The following GNG2 variants were observed in gnomAD, a reference collection of about 807,000 sequenced individuals.
The protein encoded by GNG2 is G protein subunit gamma 2.
Under a neutral mutation model 5.5 loss-of-function variants are expected in GNG2, and 5 were observed. The ratio of observed to expected loss-of-function variants is 0.91; its 90% CI spans 0.48 to 1.92. The LOEUF (loss-of-function observed/expected upper bound fraction) is 1.92, where lower values mean the gene tolerates loss of function less well. Among genes scored for constraint, GNG2 ranks in the 30% most tolerant of loss-of-function variants. The pLI is 0.01. For missense variants in GNG2, 55 were observed against 88.4 expected (o/e 0.62, Z 1.52); for synonymous variants, 28 against 32.0 (o/e 0.88, Z 0.42).
Position 51,828,072 on chromosome 14 carries a change from T to G in GNG2, c.64+265T>G, listed in dbSNP as rs112688664. ...TCGGGATGAGAGGCCTCGGTAGAAC[T>G]GACTAGCTTCCTCAACATGAGTTAT... On this transcript the variant is annotated intron_variant, in intron 2 of 3. Transcript: ENST00000553432. 8.7e-3 allele frequency among the ~76,000 whole-genome samples: 1,319 copies of G among 152,348 alleles called. 21 individuals carry two copies. Among genetic ancestry groups the G allele is most frequent in the African/African-American group, 0.03 (1,257 of 41,576 alleles).
At chr14:51,961,938 A>T (rs187987147) in intron 3 of GNG2, among the ~76,000 whole-genome samples, 1 of 152,336 alleles carries the variant, frequency 6.6e-6, no homozygotes, top group East Asian at 1.9e-4. Flanking sequence ...AAGTTATTGA[A>T]GGTTTTAAAT....
chr14:51,843,508 G>A (rs1165853841), intron 2 of GNG2, among the ~76,000 whole-genome samples: 5 of 151,850 alleles, frequency 3.3e-5, no homozygotes. Context: ...GGTGGGTGCA[G>A]CAAACCACAT....
intron 2 of GNG2, chr14:51,917,415 A>G (rs1293028633): frequency 1.3e-5 from 6 of 455,986 alleles, no homozygotes; most frequent in Non-Finnish European, 2.6e-5. Flanking sequence ...TCATACTGCA[A>G]TCGCCTCTGT....
intron 2 of GNG2, among the ~76,000 whole-genome samples, chr14:51,919,208 A>G (rs377139754): frequency 6.4e-4 from 98 of 152,212 alleles, no homozygotes; most frequent in African/African-American, 2.2e-3. Flanking sequence ...ATTAATTTAA[A>G]CTCTATTAAT....
intron 2 of GNG2, among the ~76,000 whole-genome samples, chr14:51,890,604 A>G (rs1484530933): frequency 6.6e-6 from 1 of 152,198 alleles, no homozygotes; most frequent in Non-Finnish European, 1.5e-5. Context: ...ATTCCATAAG[A>G]TAACTTTCCA....
intron 3 of GNG2, among the ~76,000 whole-genome samples, chr14:51,959,034 G>A (rs1213395798): frequency 2.6e-5 from 4 of 152,102 alleles, no homozygotes; most frequent in Non-Finnish European, 5.9e-5. Context: ...ATTGTGCCTT[G>A]AAACACTTTC....
intron 2 of GNG2, among the ~76,000 whole-genome samples, chr14:51,852,059 T>G (rs1881932079): frequency 1.3e-5 from 2 of 152,186 alleles, no homozygotes; most frequent in African/African-American, 4.8e-5. Flanking sequence ...CGTAAATATT[T>G]TAACGGTAAA....
intron 2 of GNG2, chr14:51,827,835 G>T (rs539385689): frequency 6.0e-6 from 4 of 664,048 alleles, no homozygotes; most frequent in Non-Finnish European, 1.1e-5. Context: ...GTGATGGAAG[G>T]ATACTGCAAA....
At position 51,867,941 on chromosome 14, in the gene GNG2, G is replaced by T. The variant is rs767167983; in HGVS notation, c.-71+7151G>T. On this transcript the variant is annotated intron_variant, in intron 1 of 3. Transcript: ENST00000556766. ...ACACTCCAAGCTCTTTGAGGACAGC[G>T]GTCACATCTGGTTTCATCTTTGTCT... 9.9e-5 allele frequency among the ~76,000 whole-genome samples: 15 copies of T among 151,926 alleles called. 1 individual carries two copies. The highest frequency in any genetic ancestry group is 1.9e-4 in the Non-Finnish European group (13 of 67,996).
intron 2 of GNG2, among the ~76,000 whole-genome samples, chr14:51,917,846 T>A (rs1886740859): frequency 6.6e-6 from 1 of 151,986 alleles, no homozygotes; most frequent in African/African-American, 2.4e-5. Flanking sequence ...GCCAACACGT[T>A]GAAATCCTGT....
intron 2 of GNG2, among the ~76,000 whole-genome samples, chr14:51,928,080 G>C (rs188271716): frequency 1.5e-5 from 2 of 130,668 alleles, no homozygotes; most frequent in African/African-American, 6.0e-5. Flanking sequence ...ATCCAGGCTC[G>C]ACTGCAGTGG....
chr14:51,840,994 C>T (rs562005717), intron 2 of GNG2, among the ~76,000 whole-genome samples: 80 of 152,096 alleles, frequency 5.3e-4, no homozygotes, highest in African/African-American at 1.7e-3. Flanking sequence ...AATTTTTTTC[C>T]GAGAGCAGAA....
chr14:51,896,885 C>A lies in GNG2; in HGVS notation c.-30+19228C>A, dbSNP rs187508325. ...AGGATTATAATACATGAACTAAAAT[C>A]ATAAGGAAATAGAATAATGTGTCAT... On this transcript the variant is annotated intron_variant, in intron 2 of 3. Coordinates refer to ENST00000556766, the MANE Select transcript of GNG2 (RefSeq NM_053064.5). Among the ~76,000 whole-genome samples the A allele has an allele frequency of 4.3e-4, 66 of 152,066 alleles. 1 individual carries two copies. The East Asian group carries it at 0.01, about 24-fold the overall frequency.
At chr14:51,931,055 G>A (rs1452190451) in intron 2 of GNG2, among the ~76,000 whole-genome samples, 3 of 152,220 alleles carry the variant, frequency 2.0e-5, no homozygotes, top group African/African-American at 7.2e-5. Flanking sequence ...CTGAGATCAT[G>A]CCAGTGCACT....
intron 2 of GNG2, among the ~76,000 whole-genome samples, chr14:51,829,665 T>C (rs1024753416): frequency 7.9e-5 from 12 of 152,178 alleles, no homozygotes; most frequent in Non-Finnish European, 1.6e-4. Context: ...CAATCTACAC[T>C]GTCCCCAATT....
intron 1 of GNG2, among the ~76,000 whole-genome samples, chr14:51,865,469 T>C (rs1882814474): frequency 6.6e-6 from 1 of 152,212 alleles, no homozygotes; most frequent in Admixed American, 6.5e-5. Flanking sequence ...AAAAAATTTA[T>C]AAAGGACTTA....
At chr14:51,834,763 G>A (rs1881287909) in intron 2 of GNG2, among the ~76,000 whole-genome samples, 1 of 152,218 alleles carries the variant, frequency 6.6e-6, no homozygotes, top group African/African-American at 2.4e-5. Flanking sequence ...CAAAGTTGTT[G>A]AGTACCTGAC....
At chr14:51,921,752 G>T (rs1193765871) in intron 2 of GNG2, among the ~76,000 whole-genome samples, 1 of 152,074 alleles carries the variant, frequency 6.6e-6, no homozygotes, top group Non-Finnish European at 1.5e-5. Context: ...ATGCCAATGG[G>T]TTTTTGCTCT....
At chr14:51,895,779 A>G (rs1477080583) in intron 2 of GNG2, among the ~76,000 whole-genome samples, 1 of 152,200 alleles carries the variant, frequency 6.6e-6, no homozygotes, top group African/African-American at 2.4e-5. Flanking sequence ...GGAGGGACCC[A>G]GTGGGAGATG....
Sources: allele counts gnomAD v4.1 joint callset (sites outside exome capture counted in the v4.1 genomes callset), GRCh38; gene constraint gnomAD v4.1.1; transcripts MANE v1.5; gene names NCBI Gene and HGNC (gene_info 2026-07-23, HGNC 2026-07-21).